IRAG1: variants seen among roughly 807,000 people sequenced by gnomAD.
IRAG1 encodes the protein IP3R-associated cGMP kinase substrate.
IRAG1 carries 62 observed loss-of-function variants against 106.2 expected under a neutral mutation model. That is an observed-to-expected ratio of 0.58 (90% CI 0.48 to 0.72). The LOEUF is 0.72. IRAG1 is among the 30% of genes least tolerant of loss of function. The pLI, the probability that IRAG1 is intolerant of heterozygous loss-of-function variation, is 0.00. For missense variants in IRAG1, 1,064 were observed against 1,140.7 expected, an observed-to-expected ratio of 0.93 and a Z score of 0.97; for synonymous variants, 462 against 443.9, an observed-to-expected ratio of 1.04 and a Z score of -0.51.
At chr11:10,608,458 T>C (rs1157872969) in intron 11 of IRAG1, among the ~76,000 whole-genome samples, 5 of 149,814 alleles carry the variant, frequency 3.3e-5, no homozygotes, top group African/African-American at 1.2e-4. Flanking sequence ...AAAAAAAAAG[T>C]GGGGGTCTGG....
intron 5 of IRAG1, among the ~76,000 whole-genome samples, 175 bp from the exon 6 acceptor site, chr11:10,629,003 G>C (rs1332459371): frequency 1.3e-5 from 2 of 152,082 alleles, no homozygotes; most frequent in African/African-American, 2.4e-5. Flanking sequence ...CCTCCCTGCT[G>C]CTGCTCAAGA....
At chr11:10,676,838 C>A (rs1388346609) in intron 1 of IRAG1, among the ~76,000 whole-genome samples, 1 of 152,238 alleles carries the variant, frequency 6.6e-6, no homozygotes, top group Admixed American at 6.5e-5. Flanking sequence ...TGGCAAATGC[C>A]AAGCTCAATA....
At chr11:10,609,312 G>A (rs1854745006) in intron 11 of IRAG1, among the ~76,000 whole-genome samples, 1 of 152,172 alleles carries the variant, frequency 6.6e-6, no homozygotes, top group Non-Finnish European at 1.5e-5. Context: ...GGAGGCCGAG[G>A]TAGAAGGATC....
chr11:10,610,364 A>G (rs1256372732), intron 10 of IRAG1, among the ~76,000 whole-genome samples: 1 of 152,244 alleles, frequency 6.6e-6, no homozygotes, highest in African/African-American at 2.4e-5. Context: ...TAAGGTTGCT[A>G]GATCTTTTAC....
At chr11:10,684,540 T>C (rs1036915698) in intron 1 of IRAG1, among the ~76,000 whole-genome samples, 1 of 151,170 alleles carries the variant, frequency 6.6e-6, no homozygotes, top group African/African-American at 2.4e-5. Flanking sequence ...CACACCAGCA[T>C]GGCACATGTA....
chr11:10,617,184 T>C, intron 10 of IRAG1: 1 of 985,414 alleles, frequency 1.0e-6, no homozygotes, highest in Non-Finnish European at 1.2e-6. Context: ...GATAGCCAAC[T>C]ACCTTCTAGA....
intron 1 of IRAG1, among the ~76,000 whole-genome samples, chr11:10,658,794 G>GCTGTGCTCAGTCCTAGGT (rs2134987985): frequency 6.6e-6 from 1 of 151,048 alleles, no homozygotes; most frequent in African/African-American, 2.4e-5. Context: ...CCGTGTCTGT[G>GCTGTGCTCAGTCCTAGGT]CTGTGCTCAG....
chr11:10,589,991 A>C (rs1482006767), intron 18 of IRAG1, among the ~76,000 whole-genome samples: 1 of 152,186 alleles, frequency 6.6e-6, no homozygotes, highest in Non-Finnish European at 1.5e-5. Flanking sequence ...GAGTCTGTTG[A>C]AGAGATCTTC....
At chr11:10,652,815 C>T (rs1027614050) in intron 1 of IRAG1, among the ~76,000 whole-genome samples, 9 of 152,134 alleles carry the variant, frequency 5.9e-5, no homozygotes, top group Non-Finnish European at 1.3e-4. Context: ...TCCCCTCATG[C>T]TCTTCTGACC....
chr11:10,627,856 A>G, intron 7 of IRAG1, 96 bp from the exon 8 acceptor site: 4 of 1,586,012 alleles, frequency 2.5e-6, no homozygotes, highest in Non-Finnish European at 3.5e-6. Flanking sequence ...AGTGGTGTTC[A>G]TGCCCTCCAC....
chr11:10,644,566 T>C (rs1023702940), intron 2 of IRAG1, among the ~76,000 whole-genome samples: 1 of 152,174 alleles, frequency 6.6e-6, no homozygotes, highest in South Asian at 2.1e-4. Flanking sequence ...TAAAGTGGGA[T>C]AGCCATCATG....
At chr11:10,669,052 C>T (rs1256427899) in intron 1 of IRAG1, among the ~76,000 whole-genome samples, 1 of 152,172 alleles carries the variant, frequency 6.6e-6, no homozygotes, top group South Asian at 2.1e-4. Flanking sequence ...TTCCCATTAT[C>T]CAAGAGTGTA....
chr11:10,679,766 T>C (rs1860996407), intron 1 of IRAG1, among the ~76,000 whole-genome samples: 1 of 152,210 alleles, frequency 6.6e-6, no homozygotes, highest in Non-Finnish European at 1.5e-5. Flanking sequence ...ATCTGGGTGA[T>C]GTTGTCAGGA....
At chr11:10,608,377 G>T (rs938980697) in intron 11 of IRAG1, among the ~76,000 whole-genome samples, 6 of 152,158 alleles carry the variant, frequency 3.9e-5, no homozygotes, top group Non-Finnish European at 5.9e-5. Flanking sequence ...TGATCCTCTT[G>T]CCTTGAGCCT....
At chr11:10,603,919 CTATGAGAAATAAATG>C (rs1854257029) in intron 13 of IRAG1, among the ~76,000 whole-genome samples, 1 of 152,222 alleles carries the variant, frequency 6.6e-6, no homozygotes, top group Non-Finnish European at 1.5e-5. Context: ...GCCTCCAGAA[CTATGAGAAATAAATG>C]TTTGCCATTT....
intron 1 of IRAG1, among the ~76,000 whole-genome samples, chr11:10,664,866 C>A (rs1859669738): frequency 6.6e-6 from 1 of 152,190 alleles, no homozygotes; most frequent in Non-Finnish European, 1.5e-5. Flanking sequence ...CAATGTGAGA[C>A]AGAGCACAGC....
At chr11:10,661,606 T>TA (rs1285254867) in intron 1 of IRAG1, among the ~76,000 whole-genome samples, 2 of 152,286 alleles carry the variant, frequency 1.3e-5, no homozygotes, top group African/African-American at 2.4e-5. Flanking sequence ...CTGGTGACCC[T>TA]TTTTTCTCCA....
At chr11:10,638,111 T>C (rs1007021962) in intron 2 of IRAG1, among the ~76,000 whole-genome samples, 1 of 152,224 alleles carries the variant, frequency 6.6e-6, no homozygotes, top group Non-Finnish European at 1.5e-5. Context: ...GCAATCAGCA[T>C]CCTCTGATGC....
At chr11:10,607,258 C>A (rs1263629784) in intron 11 of IRAG1, among the ~76,000 whole-genome samples, 1 of 152,104 alleles carries the variant, frequency 6.6e-6, no homozygotes, top group Admixed American at 6.5e-5. Context: ...GGATATCCAC[C>A]CAGGTCTGCA....
Sources: allele counts gnomAD v4.1 joint callset (sites outside exome capture counted in the v4.1 genomes callset), GRCh38; gene constraint gnomAD v4.1.1; transcripts MANE v1.5; gene names NCBI Gene and HGNC (gene_info 2026-07-23, HGNC 2026-07-21).